WDR72: variants seen among roughly 807,000 people sequenced by gnomAD.
The protein encoded by WDR72 is WD repeat domain 72.
WDR72 carries 120 observed loss-of-function variants against 124.2 expected under a neutral mutation model. That is an observed-to-expected ratio of 0.97 (90% CI 0.83 to 1.12). The LOEUF (loss-of-function observed/expected upper bound fraction) is 1.12. Among genes scored for constraint, WDR72 ranks in the 50% most tolerant of loss-of-function variants. The probability of loss-of-function intolerance (pLI) is 0.00; values close to 1 mark genes in which losing one functional copy is unlikely to be tolerated. For synonymous variants in WDR72, 452 were observed against 441.7 expected, an observed-to-expected ratio of 1.02 and a Z score of -0.29; for missense variants, 1,387 against 1,278.8, an observed-to-expected ratio of 1.08 and a Z score of -1.29.
At chr15:53,562,148 G>C (rs1238929853) in intron 18 of WDR72, among the ~76,000 whole-genome samples, 4 of 151,756 alleles carry the variant, frequency 2.6e-5, no homozygotes, top group African/African-American at 4.8e-5. Context: ...ACCAGGAGGG[G>C]TTGAAAAAAT....
intron 14 of WDR72, among the ~76,000 whole-genome samples, chr15:53,622,015 T>A (rs570154842): frequency 6.6e-6 from 1 of 151,884 alleles, no homozygotes; most frequent in Non-Finnish European, 1.5e-5. Context: ...TCAATAAACA[T>A]ATGAAAAAAG....
chr15:53,584,982 T>A (rs2012122897), intron 18 of WDR72, among the ~76,000 whole-genome samples: 1 of 151,972 alleles, frequency 6.6e-6, no homozygotes, highest in South Asian at 2.1e-4. Context: ...AAAAGCAGGG[T>A]TGCGTAAATT....
intron 13 of WDR72, among the ~76,000 whole-genome samples, chr15:53,678,516 T>C (rs2016257465): frequency 6.6e-6 from 1 of 152,168 alleles, no homozygotes; most frequent in African/African-American, 2.4e-5. Context: ...TCATCCTTAT[T>C]TCTGTAGTTT....
At chr15:53,721,780 T>G (rs2140575248) in intron 3 of WDR72, among the ~76,000 whole-genome samples, 1 of 152,262 alleles carries the variant, frequency 6.6e-6, no homozygotes, top group East Asian at 1.9e-4. Flanking sequence ...AATCCCTTAT[T>G]CATAAATGCA....
chr15:53,571,330 T>C (rs1234690784), intron 18 of WDR72, among the ~76,000 whole-genome samples: 2 of 152,122 alleles, frequency 1.3e-5, no homozygotes, highest in African/African-American at 2.4e-5. Flanking sequence ...ATTTCTCTTA[T>C]TGAATTGAAA....
chr15:53,520,837 A>G (rs973011081), intron 19 of WDR72, among the ~76,000 whole-genome samples: 5 of 152,090 alleles, frequency 3.3e-5, no homozygotes, highest in Admixed American at 6.6e-5. Context: ...GAGAAACATA[A>G]AACTTATTTT....
intron 13 of WDR72, among the ~76,000 whole-genome samples, chr15:53,672,173 G>A (rs1441603062): frequency 1.3e-5 from 2 of 152,084 alleles, no homozygotes; most frequent in Non-Finnish European, 2.9e-5. Flanking sequence ...ATAAGAATGG[G>A]GCAGAGATGT....
intron 17 of WDR72, among the ~76,000 whole-genome samples, chr15:53,605,786 C>T (rs904173417): frequency 4.6e-5 from 7 of 151,858 alleles, no homozygotes; most frequent in East Asian, 2.0e-4. Context: ...ACCTGGGAGA[C>T]GGAGGCTGCA....
At chr15:53,740,785 G>A (rs2018489361) in intron 1 of WDR72, among the ~76,000 whole-genome samples, 1 of 152,172 alleles carries the variant, frequency 6.6e-6, no homozygotes, top group Admixed American at 6.5e-5. Flanking sequence ...GATTAAGAGT[G>A]TAAACTTGAA....
chr15:53,550,686 T>A (rs1893692545), intron 18 of WDR72, among the ~76,000 whole-genome samples: 1 of 152,198 alleles, frequency 6.6e-6, no homozygotes, highest in Non-Finnish European at 1.5e-5. Context: ...CTGTATAACA[T>A]TAGAGACTTG....
chr15:53,716,361 TC>T (rs964971334), intron 4 of WDR72, among the ~76,000 whole-genome samples: 16 of 152,190 alleles, frequency 1.1e-4, no homozygotes, highest in Non-Finnish European at 2.2e-4. Flanking sequence ...ATGGAAATTG[TC>T]TTTCAAATCT....
rs886051297 is a variant in WDR72 at position 53,517,520 on chromosome 15, T to C, written c.*179A>G. ...ATGAATATTTTCAATCAGTATGTATTGCATTGTAATCAGCATGTATTAAAA... is the reference window on the plus strand; with the variant it reads ...ATGAATATTTTCAATCAGTATGTATCGCATTGTAATCAGCATGTATTAAAA... On this transcript the variant is annotated 3_prime_UTR_variant, in exon 20 of 20. Transcript: ENST00000360509. 7.5e-6 allele frequency: 5 copies of C among 665,110 alleles called. No individual in the cohort carries two copies. The highest frequency in any genetic ancestry group is 1.4e-5 in the Non-Finnish European group (5 of 366,270). The allele number at this position is 665,110 out of a possible 1,614,324, so 41.2% of individuals were successfully genotyped here.
At chr15:53,636,942 G>A (rs2014645609) in intron 14 of WDR72, among the ~76,000 whole-genome samples, 1 of 152,102 alleles carries the variant, frequency 6.6e-6, no homozygotes, top group Admixed American at 6.6e-5. Flanking sequence ...CATTTACAGA[G>A]TTGTGCAGCC....
intron 13 of WDR72, among the ~76,000 whole-genome samples, chr15:53,668,953 GAGGAGGAGA>G (rs1385634108): frequency 9.0e-5 from 3 of 33,408 alleles, no homozygotes; most frequent in Admixed American, 3.1e-4. Flanking sequence ...GGAGCAGGAG[GAGGAGGAGA>G]AGGAGGAGGA....
intron 18 of WDR72, among the ~76,000 whole-genome samples, chr15:53,529,369 A>G (rs201004566): frequency 2.5e-3 from 375 of 151,868 alleles, no homozygotes; most frequent in Non-Finnish European, 4.2e-3. Flanking sequence ...TCTTTCCTTT[A>G]TAAAATGAGG....
chr15:53,702,090 T>C (rs2017196928), intron 12 of WDR72, 44 bp downstream of exon 12: 1 of 1,433,726 alleles, frequency 7.0e-7, no homozygotes, highest in Non-Finnish European at 9.6e-7. Flanking sequence ...CTATAATTTA[T>C]ATAATTTTCA....
At chr15:53,643,290 T>C (rs2014920487) in intron 14 of WDR72, among the ~76,000 whole-genome samples, 1 of 152,020 alleles carries the variant, frequency 6.6e-6, no homozygotes, top group Admixed American at 6.6e-5. Context: ...CTAGTCTCCA[T>C]TCCAGCAGCA....
chr15:53,577,212 A>T lies in WDR72; in HGVS notation c.3148+19867T>A, dbSNP rs558770552. 2.4e-4 allele frequency among the ~76,000 whole-genome samples: 37 copies of T among 152,322 alleles called. 1 individual carries two copies. The highest frequency in any genetic ancestry group is 8.7e-4 in the African/African-American group (36 of 41,582). On this transcript the variant is annotated intron_variant, in intron 18 of 19. Transcript: ENST00000360509. Reference sequence around the variant, plus strand: ...CAGCAAGGAAGAACTTCTGCACTGTAAAAGCTTATTAAGGGAATTTGATTG... The same window carrying T: ...CAGCAAGGAAGAACTTCTGCACTGTTAAAGCTTATTAAGGGAATTTGATTG...
rs758522878 is a variant in WDR72, at chr15:53,712,817, T to C, written c.666A>G (p.Thr222=). ...SLNCQTIRFC[T]YTERLLLVVF... is the part of the protein sequence containing the mutation. ...CCACCAATAGAAGTCTCTCAGTATA[T>C]GTGCAAAATCGAATTGTCTGGCAGT... The change falls in exon 7 of 20, where the codon ACA becomes ACG. Residue 222 remains threonine (T), a synonymous_variant. Coordinates refer to ENST00000360509, the MANE Select transcript of WDR72 (RefSeq NM_182758.4). The C allele has an allele frequency of 5.0e-5, 80 of 1,613,648 alleles. No homozygotes were observed. The highest frequency in any genetic ancestry group is 4.9e-4 in the East Asian group (22 of 44,854).
Sources: gnomAD v4.1 joint callset for allele counts (sites outside exome capture counted in the v4.1 genomes callset) on GRCh38, gnomAD v4.1.1 for gene constraint, MANE v1.5 for transcripts, NCBI Gene and HGNC (gene_info 2026-07-23, HGNC 2026-07-21) for gene names.